The following RALGDS variants were observed in gnomAD, a reference collection of about 807,000 sequenced individuals.
The protein encoded by RALGDS is ral guanine nucleotide exchange factor.
A neutral mutation model predicts 99.8 loss-of-function variants in RALGDS; 44 were observed. The ratio of observed to expected loss-of-function variants is 0.44; its 90% CI spans 0.35 to 0.57. RALGDS has a LOEUF of 0.57. Ranked by LOEUF, RALGDS falls within the 20% of genes least tolerant of loss-of-function variation. The pLI, the probability that RALGDS is intolerant of heterozygous loss-of-function variation, is 0.01. For synonymous variants in RALGDS, 529 were observed against 505.0 expected, an observed-to-expected ratio of 1.05 and a Z score of -0.64; for missense variants, 1,022 against 1,203.1, an observed-to-expected ratio of 0.85 and a Z score of 2.23.
chr9:133,105,629 C>T (rs932208259), intron 9 of RALGDS, among the ~76,000 whole-genome samples: 3 of 152,054 alleles, frequency 2.0e-5, no homozygotes, highest in African/African-American at 7.2e-5. Context: ...GAGGGACCGG[C>T]GAGGAAGCCA....
Position 133,109,661 on chromosome 9 carries a change from G to T in RALGDS, c.549C>A (p.Ser183=). 1.2e-6 allele frequency: 2 copies of T among 1,613,930 alleles called. No homozygotes were observed. The highest frequency in any genetic ancestry group is 1.1e-5 in the South Asian group (1 of 91,084). ...GGTCCTGGGGTCCACCATCCTCGTC[G>T]GAATAGGGGAGGATGCAGCCGTATC... ...SSRYGCILPY[S]DEDGGPQDQL... The change falls in exon 4 of 18, where the codon TCC becomes TCA. Residue 183 remains serine, a synonymous_variant. Coordinates refer to ENST00000372050, the MANE Select transcript of RALGDS (RefSeq NM_006266.4).
chr9:133,137,287 G>A (rs1378999424), intron 1 of RALGDS, among the ~76,000 whole-genome samples: 6 of 152,346 alleles, frequency 3.9e-5, no homozygotes, highest in Non-Finnish European at 7.3e-5. Flanking sequence ...CCCCCATGGC[G>A]GGGAGTTTGT....
At chr9:133,141,392 C>G (rs1310099440) in intron 1 of RALGDS, among the ~76,000 whole-genome samples, 1 of 152,242 alleles carries the variant, frequency 6.6e-6, no homozygotes, top group Non-Finnish European at 1.5e-5. Context: ...ACCTCGGCTC[C>G]CGCAGTGCCC....
chr9:133,142,781 G>A (rs1408566268), intron 1 of RALGDS, among the ~76,000 whole-genome samples: 4 of 152,186 alleles, frequency 2.6e-5, no homozygotes, highest in East Asian at 1.9e-4. Context: ...TCTCCTTGCC[G>A]CCATTAACCA....
At chr9:133,126,528 C>T (rs1832165714) in intron 1 of RALGDS, among the ~76,000 whole-genome samples, 4 of 152,234 alleles carry the variant, frequency 2.6e-5, no homozygotes, top group South Asian at 2.1e-4. Flanking sequence ...TCCCAAGTGC[C>T]GCCGGAAGCT....
At chr9:133,103,197 C>T in intron 12 of RALGDS, 33 bp downstream of exon 12, 2 of 1,613,620 alleles carry the variant, frequency 1.2e-6, no homozygotes, top group Non-Finnish European at 8.5e-7. Context: ...TTTTCCACCC[C>T]TCCCCAAGTC....
At chr9:133,112,223 C>T (rs928120665) in intron 1 of RALGDS, 71 bp from the exon 2 acceptor site, 59 of 1,011,144 alleles carry the variant, frequency 5.8e-5, no homozygotes, top group Middle Eastern at 2.8e-4. Context: ...GCAGGGGATG[C>T]ACCTGTGTAA....
At chr9:133,112,203 T>C in intron 1 of RALGDS, 51 bp from the exon 2 acceptor site, 1 of 1,267,132 alleles carries the variant, frequency 7.9e-7, no homozygotes, top group Non-Finnish European at 1.1e-6. Context: ...AGGGCCTGCC[T>C]GGCCACCGTG....
In RALGDS at chr9:133,103,736, G is replaced by A. The variant is rs544033790; in HGVS notation, c.1758+11C>T. 13 of 1,612,466 alleles carry A rather than the reference G, an allele frequency of 8.1e-6. No individual in the cohort carries two copies. Among genetic ancestry groups the A allele is most frequent in the East Asian group, 2.2e-5 (1 of 44,840 alleles). ...CCCGGGCCCTACTCCAGCCCCGCCC[G>A]GCACACTCACATACAGATAGTCCTT... On this transcript the variant is annotated intron_variant, in intron 11 of 17. Coordinates refer to ENST00000372050, the MANE Select transcript of RALGDS (RefSeq NM_006266.4).
rs1831161653 is a variant in RALGDS, at chr9:133,108,128, G to A, written c.1057C>T (p.Pro353Ser). The change falls in exon 6 of 18, where the codon CCA (proline) becomes TCA (serine). Residue 353 changes from proline (P) to serine (S), a missense_variant. Physicochemically the swap from Pro to Ser is moderately conservative, Grantham distance 74. Transcript: ENST00000372050. Reference protein sequence around the residue: ...PAPSQTLELEPAPAPVPSLQP... With the variant: ...PAPSQTLELESAPAPVPSLQP... ...AATGATGGAACTGGTGCTGGAGCTG[G>A]CTCCAGCTCTAGAGTTTGTGAGGGA... is the stretch of plus-strand genomic sequence containing the variant. 1 of 1,610,764 alleles carries A rather than the reference G, an allele frequency of 6.2e-7. No homozygotes were observed. The highest frequency in any genetic ancestry group is 1.7e-4 in the Middle Eastern group (1 of 6,056).
In RALGDS at chr9:133,108,746, T is replaced by G; in HGVS notation, c.705A>C (p.Ser235=). The G allele has an allele frequency of 6.2e-7, 1 of 1,613,718 alleles. No homozygotes were observed. Among genetic ancestry groups the G allele is most frequent in the Non-Finnish European group, 8.5e-7 (1 of 1,180,018 alleles). The change falls in exon 5 of 18, where the codon TCA becomes TCC. Residue 235 remains serine (S), a synonymous_variant. Transcript: ENST00000372050. Reference sequence around the variant, plus strand: ...GAAGGTGGGCACGGCGCTCCAGGTCTGAGCCTGGCATGTTGAGCTGCACGT... The same window carrying G: ...GAAGGTGGGCACGGCGCTCCAGGTCGGAGCCTGGCATGTTGAGCTGCACGT... ...VAYVQLNMPG[S]DLERRAHLLL...
At chr9:133,103,657 T>C in intron 11 of RALGDS, 90 bp downstream of exon 11, 1 of 1,302,358 alleles carries the variant, frequency 7.7e-7, no homozygotes, top group East Asian at 2.3e-5. Flanking sequence ...TGTTTACTCA[T>C]TGCTGGGACA....
chr9:133,105,825 G>GGCCCCC, intron 9 of RALGDS, 107 bp downstream of exon 9: 3 of 87,588 alleles, frequency 3.4e-5, no homozygotes, highest in South Asian at 1.1e-4. Context: ...CGCCGCCCCA[G>GGCCCCC]CCCCCGCCCC....
chr9:133,113,243 G>A (rs1831435310), intron 1 of RALGDS, among the ~76,000 whole-genome samples: 1 of 152,200 alleles, frequency 6.6e-6, no homozygotes, highest in Admixed American at 6.5e-5. Context: ...GCCCAGGTAG[G>A]CGTGGAGCTC....
intron 10 of RALGDS, 39 bp from the exon 11 acceptor site, chr9:133,103,872 C>T: frequency 6.3e-7 from 1 of 1,584,354 alleles, no homozygotes; most frequent in Non-Finnish European, 8.7e-7. Flanking sequence ...AGGCCCCTCC[C>T]CTGAAGGCTT....
At chr9:133,110,951 C>G (rs924556648) in intron 2 of RALGDS, among the ~76,000 whole-genome samples, 1 of 152,082 alleles carries the variant, frequency 6.6e-6, no homozygotes, top group African/African-American at 2.4e-5. Flanking sequence ...TGTGGTGGTC[C>G]CAGCTACCTG....
chr9:133,122,907 T>C (rs922953796), upstream of RALGDS, among the ~76,000 whole-genome samples: 1 of 152,158 alleles, frequency 6.6e-6, no homozygotes, highest in African/African-American at 2.4e-5. Context: ...TTTCACCATG[T>C]TGGCCAGGCT....
chr9:133,111,829 G>A (rs1435310701), intron 2 of RALGDS, among the ~76,000 whole-genome samples: 1 of 152,188 alleles, frequency 6.6e-6, no homozygotes, highest in African/African-American at 2.4e-5. Context: ...TGCACATCTG[G>A]GAGAAGGCAT....
intron 1 of RALGDS, among the ~76,000 whole-genome samples, chr9:133,120,125 C>A (rs2119210153): frequency 6.6e-6 from 1 of 152,276 alleles, no homozygotes; most frequent in Admixed American, 6.5e-5. Context: ...TCTCTGGATT[C>A]CACTCCCTCT....
Sources: allele counts gnomAD v4.1 joint callset (sites outside exome capture counted in the v4.1 genomes callset), GRCh38; gene constraint gnomAD v4.1.1; transcripts MANE v1.5; gene names NCBI Gene and HGNC (gene_info 2026-07-23, HGNC 2026-07-21).